Variants in DHDDS observed in about 807,000 individuals in gnomAD.
The protein encoded by DHDDS is dehydrodolichyl diphosphate synthase subunit.
Under a neutral mutation model 46.2 loss-of-function variants are expected in DHDDS, and 16 were observed. That is an observed-to-expected ratio of 0.35 (90% confidence interval 0.23 to 0.53). The LOEUF (loss-of-function observed/expected upper bound fraction) is 0.53, where lower values mean the gene tolerates loss of function less well. Among genes scored for constraint, DHDDS ranks in the 20% least tolerant of loss-of-function variants. The pLI is 0.94. For synonymous variants in DHDDS, 151 were observed against 163.1 expected, an observed-to-expected ratio of 0.93 and a Z score of 0.56; for missense variants, 340 against 423.7, an observed-to-expected ratio of 0.80 and a Z score of 1.73.
In DHDDS at chr1:26,469,232, G is replaced by A; in HGVS notation, c.*101G>A. 2 of 1,596,520 alleles carry A rather than the reference G, an allele frequency of 1.3e-6. No individual in the cohort carries two copies. Among genetic ancestry groups the A allele is most frequent in the Admixed American group, 1.7e-5 (1 of 59,804 alleles). ...GGCACCTCCTTTCCTGATAATGAAT[G>A]GTGTTCCCTTTGCTTGGCTGGGGAG... On this transcript the variant is annotated 3_prime_UTR_variant, in exon 9 of 9. Transcript: ENST00000236342.
intron 7 of DHDDS, among the ~76,000 whole-genome samples, chr1:26,459,760 T>C (rs535103473): frequency 2.6e-5 from 4 of 152,350 alleles, no homozygotes; most frequent in Admixed American, 6.5e-5. Flanking sequence ...AGTCCTAAAA[T>C]TGGCTCTTAG....
In DHDDS at chr1:26,470,266, C is replaced by T. The variant is rs2075539731; in HGVS notation, c.*1135C>T. The T allele has an allele frequency of 6.6e-6, 1 of 152,114 alleles. No individual in the cohort carries two copies. The highest frequency in any genetic ancestry group is 6.6e-5 in the Admixed American group (1 of 15,254). 9.4% of individuals were successfully genotyped at this position (152,114 alleles called of 1,614,324 possible). ...GTGCCCCACACCGGCAAGTACCAGCCAGCAACACCAACCAAATGCTACTCT... is the reference window on the plus strand; with the variant it reads ...GTGCCCCACACCGGCAAGTACCAGCTAGCAACACCAACCAAATGCTACTCT... On this transcript the variant is annotated 3_prime_UTR_variant, in exon 9 of 9. Coordinates refer to ENST00000236342, the MANE Select transcript of DHDDS (RefSeq NM_205861.3).
At position 26,469,248 on chromosome 1, in the gene DHDDS, G is replaced by A; in HGVS notation, c.*117G>A. The A allele has an allele frequency of 5.1e-6, 8 of 1,582,282 alleles. No individual in the cohort carries two copies. Among genetic ancestry groups the A allele is most frequent in the Middle Eastern group, 2.3e-4 (1 of 4,424 alleles). On this transcript the variant is annotated 3_prime_UTR_variant, in exon 9 of 9. Transcript: ENST00000236342. ...ATAATGAATGGTGTTCCCTTTGCTT[G>A]GCTGGGGAGCCCCCCAGGCCAGGTT...
At chr1:26,446,511 T>C in intron 5 of DHDDS, 79 bp downstream of exon 5, 2 of 1,408,614 alleles carry the variant, frequency 1.4e-6, no homozygotes, top group East Asian at 2.3e-5. Flanking sequence ...TCCTGGGCTT[T>C]CCTTGGTCTG....
At chr1:26,432,414 G>A (rs1417013184) in intron 1 of DHDDS, 38 bp downstream of exon 1, 1 of 167,742 alleles carries the variant, frequency 6.0e-6, no homozygotes, top group Admixed American at 5.8e-5. Context: ...GAGGAGAAGA[G>A]GGTGACTGGG....
intron 8 of DHDDS, among the ~76,000 whole-genome samples, chr1:26,466,603 C>T (rs1337349780): frequency 1.3e-5 from 2 of 152,250 alleles, no homozygotes; most frequent in African/African-American, 2.4e-5. Flanking sequence ...GGGCCAGGCT[C>T]TGCCTGGGCT....
intron 8 of DHDDS, among the ~76,000 whole-genome samples, chr1:26,462,594 T>C (rs183190557): frequency 6.6e-6 from 1 of 152,318 alleles, no homozygotes; most frequent in Non-Finnish European, 1.5e-5. Flanking sequence ...GTTGGAATTA[T>C]GTATATAAAA....
intron 6 of DHDDS, among the ~76,000 whole-genome samples, chr1:26,453,967 T>C (rs536911309): frequency 2.6e-5 from 4 of 152,108 alleles, no homozygotes; most frequent in African/African-American, 9.6e-5. Flanking sequence ...TTTTTTTTTG[T>C]TTTTGAGATG....
chr1:26,451,354 C>A (rs938829112), intron 6 of DHDDS, among the ~76,000 whole-genome samples: 8 of 152,000 alleles, frequency 5.3e-5, no homozygotes, highest in Non-Finnish European at 8.8e-5. Flanking sequence ...TGATTTCTCA[C>A]TATCACCATC....
rs1416785843 is a variant in DHDDS, at chr1:26,447,987, T to C, written c.542+327T>C. 3 of 556,296 alleles carry C rather than the reference T, an allele frequency of 5.4e-6. No individual in the cohort carries two copies. In the Admixed American group the frequency reaches 1.0e-4, roughly 19 times the overall value. 34.5% of individuals were successfully genotyped at this position (556,296 alleles called of 1,614,324 possible). A position where few individuals can be genotyped will look rare whatever the true frequency, so the allele number is the denominator to read the frequency against. On this transcript the variant is annotated intron_variant, in intron 6 of 8. Coordinates refer to ENST00000236342, the MANE Select transcript of DHDDS (RefSeq NM_205861.3). ...GGCTTATTACAACCTGCTTCAGAAC[T>C]AGAGTTCACCACACACCAAGAAACC...
intron 2 of DHDDS, among the ~76,000 whole-genome samples, chr1:26,437,695 C>T (rs1570331565): frequency 6.6e-6 from 1 of 151,578 alleles, no homozygotes; most frequent in East Asian, 1.9e-4. Context: ...AGGCTGGTCT[C>T]GAATGCCTGA....
rs2075541124 is a variant in DHDDS, at chr1:26,470,322, T to C, written c.*1191T>C. 1.3e-5 allele frequency: 2 copies of C among 150,952 alleles called. No individual in the cohort carries two copies. Among genetic ancestry groups the C allele is most frequent in the Admixed American group, 1.3e-4 (2 of 15,180 alleles). 9.4% of individuals were successfully genotyped at this position (150,952 alleles called of 1,614,324 possible). A position where few individuals can be genotyped will look rare whatever the true frequency, so the allele number is the denominator to read the frequency against. Reference sequence around the variant, plus strand: ...AAGTCCATTTTCCTTCTTCTTTTTTTTTTTTTTTTTGGAGACAGCATCTCA... The same window carrying C: ...AAGTCCATTTTCCTTCTTCTTTTTTCTTTTTTTTTTGGAGACAGCATCTCA... On this transcript the variant is annotated 3_prime_UTR_variant, in exon 9 of 9. Coordinates refer to ENST00000236342, the MANE Select transcript of DHDDS (RefSeq NM_205861.3).
chr1:26,450,919 G>T (rs1289430233), intron 6 of DHDDS, among the ~76,000 whole-genome samples: 1 of 152,108 alleles, frequency 6.6e-6, no homozygotes, highest in South Asian at 2.1e-4. Flanking sequence ...AAGGCACAAG[G>T]GTTGACACTA....
In DHDDS at chr1:26,469,240, C is replaced by T. The variant is rs1032593244; in HGVS notation, c.*109C>T. The T allele has an allele frequency of 4.2e-5, 66 of 1,589,080 alleles. No homozygotes were observed. Among genetic ancestry groups the T allele is most frequent in the Admixed American group, 3.4e-4 (20 of 59,142 alleles). On this transcript the variant is annotated 3_prime_UTR_variant, in exon 9 of 9. Coordinates refer to ENST00000236342, the MANE Select transcript of DHDDS (RefSeq NM_205861.3). ...CTTTCCTGATAATGAATGGTGTTCC[C>T]TTTGCTTGGCTGGGGAGCCCCCCAG...
intron 6 of DHDDS, chr1:26,454,639 C>G (rs2075354029): frequency 8.2e-7 from 1 of 1,215,750 alleles, no homozygotes; most frequent in Non-Finnish European, 1.2e-6. Context: ...TGAATTTACT[C>G]CTGTGCCATA....
intron 4 of DHDDS, among the ~76,000 whole-genome samples, chr1:26,444,392 G>C (rs2124414733): frequency 6.6e-6 from 1 of 152,318 alleles, no homozygotes; most frequent in African/African-American, 2.4e-5. Flanking sequence ...CTAAAAGAAG[G>C]TGGGAAAACC....
At chr1:26,456,320 T>C (rs996225054) in intron 6 of DHDDS, among the ~76,000 whole-genome samples, 5 of 151,996 alleles carry the variant, frequency 3.3e-5, no homozygotes, top group African/African-American at 1.2e-4. Context: ...TGCAGTGAGC[T>C]GAGATCACAC....
intron 8 of DHDDS, 85 bp from the exon 9 acceptor site, chr1:26,468,810 T>TTCCCCC: frequency 2.4e-6 from 3 of 1,229,676 alleles, no homozygotes; most frequent in Non-Finnish European, 2.3e-6. Flanking sequence ...GCCCACCCTG[T>TTCCCCC]GCCCCACCCC....
chr1:26,435,695 A>G (rs2075147987), intron 2 of DHDDS, among the ~76,000 whole-genome samples: 1 of 150,368 alleles, frequency 6.7e-6, no homozygotes. Flanking sequence ...GCTCACTGCA[A>G]CCTCTGCCTC....
Sources: gnomAD v4.1 joint callset for allele counts (sites outside exome capture counted in the v4.1 genomes callset) on GRCh38, gnomAD v4.1.1 for gene constraint, MANE v1.5 for transcripts, NCBI Gene and HGNC (gene_info 2026-07-23, HGNC 2026-07-21) for gene names.